The following RABGAP1L variants were observed in gnomAD, a reference collection of about 807,000 sequenced individuals.
RABGAP1L encodes RAB GTPase activating protein 1 like.
In RABGAP1L, 63 loss-of-function variants were observed where a neutral mutation model predicts 137.7. The ratio of observed to expected loss-of-function variants is 0.46; its 90% CI spans 0.37 to 0.56. The LOEUF (loss-of-function observed/expected upper bound fraction) is 0.56, where lower values mean the gene tolerates loss of function less well. Ranked by LOEUF, RABGAP1L falls within the 20% of genes least tolerant of loss-of-function variation. The probability of loss-of-function intolerance (pLI) is 0.00; values close to 1 mark genes in which losing one functional copy is unlikely to be tolerated. For missense variants in RABGAP1L, 1,095 were observed against 1,244.0 expected, an observed-to-expected ratio of 0.88 and a Z score of 1.80; for synonymous variants, 431 against 433.7, an observed-to-expected ratio of 0.99 and a Z score of 0.08.
intron 18 of RABGAP1L, among the ~76,000 whole-genome samples, chr1:174,804,379 TC>T (rs1378737095): frequency 6.6e-6 from 1 of 150,864 alleles, no homozygotes; most frequent in Admixed American, 6.6e-5. Context: ...CAGGCAATCC[TC>T]CCACCTCATC....
At chr1:174,893,729 A>T (rs978211314) in intron 19 of RABGAP1L, among the ~76,000 whole-genome samples, 3 of 152,124 alleles carry the variant, frequency 2.0e-5, no homozygotes, top group African/African-American at 7.2e-5. Flanking sequence ...GACAACTATC[A>T]GCCACATAGA....
At chr1:174,539,245 G>C (rs1665153138) in intron 13 of RABGAP1L, among the ~76,000 whole-genome samples, 1 of 151,558 alleles carries the variant, frequency 6.6e-6, no homozygotes, top group Non-Finnish European at 1.5e-5. Flanking sequence ...AGGTAAACCG[G>C]GGTTTTATTT....
intron 11 of RABGAP1L, among the ~76,000 whole-genome samples, chr1:174,311,006 A>AT (rs1245031276): frequency 1.3e-5 from 2 of 151,676 alleles, no homozygotes; most frequent in Non-Finnish European, 2.9e-5. Context: ...CATTCTTTCA[A>AT]TTTTTTTTGT....
chr1:174,627,877 C>T (rs939519389), intron 13 of RABGAP1L, among the ~76,000 whole-genome samples: 6 of 151,940 alleles, frequency 3.9e-5, no homozygotes, highest in Admixed American at 2.6e-4. Context: ...AAGAACTTTG[C>T]CTATGAGTTA....
At chr1:174,610,752 T>C (rs1391536680) in intron 13 of RABGAP1L, among the ~76,000 whole-genome samples, 4 of 152,262 alleles carry the variant, frequency 2.6e-5, no homozygotes, top group Non-Finnish European at 5.9e-5. Flanking sequence ...CCATTCTAAC[T>C]GGTGTGAGAT....
intron 9 of RABGAP1L, among the ~76,000 whole-genome samples, chr1:174,277,746 T>C (rs1225459106): frequency 6.6e-6 from 1 of 152,136 alleles, no homozygotes; most frequent in Admixed American, 6.5e-5. Flanking sequence ...TGCACTAAGA[T>C]CCAGTTGAAT....
At chr1:174,804,568 C>T (rs1467608522) in intron 18 of RABGAP1L, among the ~76,000 whole-genome samples, 3 of 152,224 alleles carry the variant, frequency 2.0e-5, no homozygotes, top group Non-Finnish European at 2.9e-5. Flanking sequence ...CCAGCTTGGC[C>T]TTCCAAAGTG....
chr1:174,315,622 C>CTTTTTTTTTTT (rs35771793), intron 11 of RABGAP1L, among the ~76,000 whole-genome samples: 1 of 132,712 alleles, frequency 7.5e-6, no homozygotes, highest in African/African-American at 2.7e-5. Flanking sequence ...CATTTCTTGC[C>CTTTTTTTTTTT]TTTTTTTTTT....
chr1:174,798,414 AAAAG>A lies in RABGAP1L; in HGVS notation c.2212-13414_2212-13411del, dbSNP rs1688444662. ...CGACAATCCGTTTCAAACAAAAAAAAAAAGAAATCATTTTTGGAAGAGATAAAAG... is the reference window on the plus strand; with the variant it reads ...CGACAATCCGTTTCAAACAAAAAAAAAAATCATTTTTGGAAGAGATAAAAG... On this transcript the variant is annotated intron_variant, in intron 18 of 25. Coordinates refer to ENST00000681986, the MANE Select transcript of RABGAP1L (RefSeq NM_001366446.1). 2.0e-5 allele frequency among the ~76,000 whole-genome samples: 3 copies of A among 152,242 alleles called. No individual in the cohort carries two copies. In the East Asian group the frequency reaches 5.8e-4, roughly 29 times the overall value.
Position 174,741,050 on chromosome 1 carries a change from T to G in RABGAP1L, c.2170-11263T>G, listed in dbSNP as rs548268250. ...TCTGTTGATTTTTTTGTTTTGTTTT[T>G]TTTTTTTTGTGTGTGGGAGCTTTTT... On this transcript the variant is annotated intron_variant, in intron 17 of 25. Coordinates refer to ENST00000681986, the MANE Select transcript of RABGAP1L (RefSeq NM_001366446.1). 2.1e-3 allele frequency among the ~76,000 whole-genome samples: 302 copies of G among 140,810 alleles called. 2 individuals carry two copies. The highest frequency in any genetic ancestry group is 0.013 in the Admixed American group (181 of 14,028). 92.4% of individuals were successfully genotyped at this position (140,810 alleles called of 152,430 possible).
At chr1:174,547,890 TG>T in intron 13 of RABGAP1L, 1 of 1,548,266 alleles carries the variant, frequency 6.5e-7, no homozygotes, top group Non-Finnish European at 8.7e-7. Flanking sequence ...TAGTTAAATA[TG>T]AAGGGTCTAT....
At chr1:174,916,290 T>C (rs1660869295) in intron 19 of RABGAP1L, among the ~76,000 whole-genome samples, 1 of 152,206 alleles carries the variant, frequency 6.6e-6, no homozygotes, top group South Asian at 2.1e-4. Context: ...TCTCTTTACC[T>C]GGCTAGATTT....
intron 13 of RABGAP1L, among the ~76,000 whole-genome samples, chr1:174,494,455 T>C (rs570295181): frequency 1.3e-5 from 2 of 152,362 alleles, no homozygotes; most frequent in South Asian, 4.1e-4. Context: ...AAAGTAATTA[T>C]AATTTACAAA....
At chr1:174,637,353 G>A in intron 13 of RABGAP1L, 22 bp from the exon 14 acceptor site, 1 of 1,514,650 alleles carries the variant, frequency 6.6e-7, no homozygotes, top group Non-Finnish European at 9.1e-7. Flanking sequence ...TAATAACCAG[G>A]TCTATTTTCT....
intron 17 of RABGAP1L, among the ~76,000 whole-genome samples, chr1:174,722,329 T>A (rs1392690453): frequency 6.6e-6 from 1 of 152,232 alleles, no homozygotes; most frequent in East Asian, 1.9e-4. Flanking sequence ...GATTCTACAC[T>A]TACACGAATG....
chr1:174,970,741 A>G (rs1670058847), intron 21 of RABGAP1L, among the ~76,000 whole-genome samples: 3 of 152,088 alleles, frequency 2.0e-5, no homozygotes, highest in Admixed American at 6.6e-5. Flanking sequence ...CTAAAAAAAA[A>G]AGATCTGTTT....
At chr1:174,434,128 C>CACACAG (rs1188970962) in intron 13 of RABGAP1L, among the ~76,000 whole-genome samples, 1 of 151,734 alleles carries the variant, frequency 6.6e-6, no homozygotes, top group African/African-American at 2.4e-5. Flanking sequence ...CACACACACA[C>CACACAG]ACACACACAC....
chr1:174,840,175 A>G (rs1251215494), intron 19 of RABGAP1L, among the ~76,000 whole-genome samples: 1 of 152,232 alleles, frequency 6.6e-6, no homozygotes, highest in East Asian at 1.9e-4. Flanking sequence ...AGTATGGGAT[A>G]GAGGAGGAGA....
At chr1:174,520,956 G>C (rs74834999) in intron 13 of RABGAP1L, among the ~76,000 whole-genome samples, 5,282 of 152,262 alleles carry the variant, frequency 0.035, 121 homozygotes, top group Middle Eastern at 0.088. Context: ...AGCTGAGATT[G>C]CACCACTGCA....
Sources: gnomAD v4.1 joint callset for allele counts (sites outside exome capture counted in the v4.1 genomes callset) on GRCh38, gnomAD v4.1.1 for gene constraint, MANE v1.5 for transcripts, NCBI Gene and HGNC (gene_info 2026-07-23, HGNC 2026-07-21) for gene names.